LRRC4C: variants seen among roughly 807,000 people sequenced by gnomAD.
LRRC4C encodes leucine-rich repeat-containing protein 4C.
LRRC4C carries 5 observed loss-of-function variants against 33.6 expected under a neutral mutation model. That is an observed-to-expected ratio of 0.15 (90% CI 0.08 to 0.31). The LOEUF is 0.31. Among genes scored for constraint, LRRC4C ranks in the 10% least tolerant of loss-of-function variants. The pLI is 1.00. For missense variants in LRRC4C, 560 were observed against 796.7 expected (o/e 0.70, Z 3.58); for synonymous variants, 329 against 302.0 (o/e 1.09, Z -0.93).
chr11:41,418,175 T>C (rs562380974), intron 1 of LRRC4C, among the ~76,000 whole-genome samples: 64 of 152,052 alleles, frequency 4.2e-4, no homozygotes, highest in African/African-American at 1.4e-3. Flanking sequence ...ACAAGAATTA[T>C]CAGATTTACA....
chr11:41,063,918 C>G (rs1473143118), intron 1 of LRRC4C, among the ~76,000 whole-genome samples: 1 of 152,084 alleles, frequency 6.6e-6, no homozygotes, highest in East Asian at 1.9e-4. Context: ...AAGGTCATGA[C>G]TGTGGAGATT....
At chr11:41,427,013 T>C (rs1467895365) in intron 1 of LRRC4C, among the ~76,000 whole-genome samples, 1 of 152,188 alleles carries the variant, frequency 6.6e-6, no homozygotes, top group African/African-American at 2.4e-5. Flanking sequence ...CAAAGCAATT[T>C]ACAGAACCAA....
At chr11:40,505,481 A>G (rs1038657283) in intron 3 of LRRC4C, among the ~76,000 whole-genome samples, 1 of 152,316 alleles carries the variant, frequency 6.6e-6, no homozygotes, top group African/African-American at 2.4e-5. Flanking sequence ...GTTATGGTCC[A>G]TTGCAAACAC....
intron 2 of LRRC4C, among the ~76,000 whole-genome samples, chr11:40,819,943 G>T (rs1951862023): frequency 6.6e-6 from 1 of 151,738 alleles, no homozygotes; most frequent in Non-Finnish European, 1.5e-5. Flanking sequence ...ACATACCAGA[G>T]GGAAGACAAA....
chr11:40,271,057 A>T (rs1431464835), intron 4 of LRRC4C, among the ~76,000 whole-genome samples: 1 of 152,190 alleles, frequency 6.6e-6, no homozygotes, highest in Non-Finnish European at 1.5e-5. Flanking sequence ...CCTTTTAAAC[A>T]TCCTAAGAGA....
chr11:40,142,623 T>G (rs1423138248), intron 5 of LRRC4C, among the ~76,000 whole-genome samples: 1 of 152,188 alleles, frequency 6.6e-6, no homozygotes, highest in Non-Finnish European at 1.5e-5. Context: ...CCCTTGCTTC[T>G]CCTCTTGCCT....
intron 1 of LRRC4C, among the ~76,000 whole-genome samples, chr11:41,420,518 C>T (rs1373956113): frequency 2.6e-5 from 4 of 152,012 alleles, no homozygotes; most frequent in Admixed American, 1.3e-4. Flanking sequence ...AAGAACAAAG[C>T]ATACATTGCT....
intron 1 of LRRC4C, among the ~76,000 whole-genome samples, chr11:41,078,801 C>T (rs548103107): frequency 6.6e-6 from 1 of 152,250 alleles, no homozygotes; most frequent in Admixed American, 6.5e-5. Context: ...CCTTCATGTG[C>T]TCTATGCAGT....
intron 2 of LRRC4C, among the ~76,000 whole-genome samples, chr11:40,772,782 A>G (rs1207926760): frequency 6.6e-6 from 1 of 152,172 alleles, no homozygotes; most frequent in Non-Finnish European, 1.5e-5. Flanking sequence ...TACTATGGAG[A>G]ACAGTATGGA....
chr11:40,882,168 T>C lies in LRRC4C; in HGVS notation c.-407+51467A>G, dbSNP rs184287420. Among the ~76,000 whole-genome samples the C allele has an allele frequency of 3.0e-4, 46 of 152,230 alleles. No individual in the cohort carries two copies. The East Asian group carries it at 7.6e-3, about 25-fold the overall frequency. On this transcript the variant is annotated intron_variant, in intron 2 of 6. Transcript: ENST00000528697. ...TATAAAAACTGACCATAAACTAGAA[T>C]GACTAGCAGGCCTAAGCTTGCTGCT...
chr11:40,587,277 G>C (rs1333209432), intron 3 of LRRC4C, among the ~76,000 whole-genome samples: 2 of 143,664 alleles, frequency 1.4e-5, no homozygotes, highest in Non-Finnish European at 3.1e-5. Flanking sequence ...CTCTCTGTTT[G>C]TCTGTTGTTG....
chr11:40,192,380 C>T (rs1401793258), intron 5 of LRRC4C, among the ~76,000 whole-genome samples: 1 of 152,162 alleles, frequency 6.6e-6, no homozygotes, highest in Non-Finnish European at 1.5e-5. Context: ...GGAACTCCCT[C>T]CCCTAGCCAA....
chr11:41,079,541 A>T (rs1009002192), intron 1 of LRRC4C, among the ~76,000 whole-genome samples: 1 of 152,144 alleles, frequency 6.6e-6, no homozygotes, highest in Non-Finnish European at 1.5e-5. Flanking sequence ...AAAAAGATGT[A>T]TTGCAATATC....
chr11:40,335,561 A>G (rs1946560218), intron 3 of LRRC4C, among the ~76,000 whole-genome samples: 1 of 152,266 alleles, frequency 6.6e-6, no homozygotes. Flanking sequence ...ATGGAGAAGC[A>G]GAAAATCTTA....
chr11:40,215,578 A>G (rs1041327417), intron 5 of LRRC4C, among the ~76,000 whole-genome samples: 1 of 152,230 alleles, frequency 6.6e-6, no homozygotes, highest in Non-Finnish European at 1.5e-5. Flanking sequence ...TTGTCCAGAT[A>G]GCCCTTGGTG....
At chr11:40,398,080 G>A (rs948613434) in intron 3 of LRRC4C, among the ~76,000 whole-genome samples, 8 of 151,876 alleles carry the variant, frequency 5.3e-5, no homozygotes, top group African/African-American at 1.9e-4. Flanking sequence ...GGCAATTTTT[G>A]AGTAATATAG....
At chr11:40,259,361 T>C (rs541483907) in intron 4 of LRRC4C, among the ~76,000 whole-genome samples, 174 of 152,154 alleles carry the variant, frequency 1.1e-3, no homozygotes, top group Middle Eastern at 3.4e-3. Flanking sequence ...TTTTGTAGGT[T>C]GCCTGTTCAC....
chr11:41,168,142 C>T (rs1944812155), intron 1 of LRRC4C, among the ~76,000 whole-genome samples: 1 of 152,130 alleles, frequency 6.6e-6, no homozygotes, highest in South Asian at 2.1e-4. Context: ...GGTAACCCAA[C>T]CTGGATGTTT....
At chr11:41,233,751 A>T (rs1000294998) in intron 1 of LRRC4C, among the ~76,000 whole-genome samples, 6 of 152,038 alleles carry the variant, frequency 3.9e-5, no homozygotes, top group African/African-American at 1.4e-4. Context: ...GCTTTCTTTT[A>T]TTCATCATAT....
Sources: allele counts gnomAD v4.1 joint callset (sites outside exome capture counted in the v4.1 genomes callset), GRCh38; gene constraint gnomAD v4.1.1; transcripts MANE v1.5; gene names NCBI Gene and HGNC (gene_info 2026-07-23, HGNC 2026-07-21).